Variants in LARP4B observed in about 807,000 individuals in gnomAD.
LARP4B encodes La ribonucleoprotein 4B.
Under a neutral mutation model 89.8 loss-of-function variants are expected in LARP4B, and 12 were observed. That is an observed-to-expected ratio of 0.13 (90% confidence interval 0.09 to 0.22). LARP4B has a LOEUF of 0.22. Among genes scored for constraint, LARP4B ranks in the 10% least tolerant of loss-of-function variants. The pLI, the probability that LARP4B is intolerant of heterozygous loss-of-function variation, is 1.00. For synonymous variants in LARP4B, 367 were observed against 363.3 expected, an observed-to-expected ratio of 1.01 and a Z score of -0.12; for missense variants, 757 against 947.7, an observed-to-expected ratio of 0.80 and a Z score of 2.64.
At chr10:932,062 G>A (rs913249392), upstream of LARP4B, among the ~76,000 whole-genome samples, 437 of 150,944 alleles carry the variant, frequency 2.9e-3, 3 homozygotes, top group African/African-American at 0.01. Flanking sequence ...CTTCCGGAGG[G>A]CTGGGCCCTG....
chr10:916,641 G>C (rs1043302325), intron 1 of LARP4B, among the ~76,000 whole-genome samples: 1 of 152,188 alleles, frequency 6.6e-6, no homozygotes, highest in African/African-American at 2.4e-5. Context: ...GTTGCAGTGA[G>C]CCGAGATCAC....
intron 5 of LARP4B, among the ~76,000 whole-genome samples, chr10:851,802 T>C (rs1351374266): frequency 6.6e-6 from 1 of 152,200 alleles, no homozygotes; most frequent in South Asian, 2.1e-4. Context: ...CAGTGGCTCA[T>C]GCTTGTAATC....
intron 13 of LARP4B, among the ~76,000 whole-genome samples, chr10:823,630 C>T (rs188003221): frequency 1.3e-4 from 19 of 151,444 alleles, no homozygotes; most frequent in Non-Finnish European, 2.1e-4. Flanking sequence ...CCTTCCACAC[C>T]GTGCCCACAA....
chr10:923,180 C>T (rs899960724), intron 1 of LARP4B, among the ~76,000 whole-genome samples: 3 of 152,124 alleles, frequency 2.0e-5, no homozygotes, highest in Admixed American at 6.5e-5. Flanking sequence ...GTGTTCTATC[C>T]GTGGTTTAAA....
chr10:924,008 G>A (rs1319615019), intron 1 of LARP4B, among the ~76,000 whole-genome samples: 1 of 152,122 alleles, frequency 6.6e-6, no homozygotes, highest in Non-Finnish European at 1.5e-5. Flanking sequence ...CCAACACTCT[G>A]GGACTGCTTG....
chr10:829,392 G>A lies in LARP4B; in HGVS notation c.1118C>T (p.Pro373Leu). ...TWSATHSYLDPPLVTPFPNTG... is the reference protein window; with the variant it reads ...TWSATHSYLDLPLVTPFPNTG... The stretch of plus-strand genomic sequence containing the variant: ...AGTAAAGAAATGACGTACCAAGGGT[G>A]GGTCAAGATAGCTGTGCGTTGCTGA... The change falls in exon 11 of 18, where the codon CCA becomes CTA. Residue 373 changes from proline to leucine, a missense_variant. Physicochemically the swap from Pro to Leu is moderately conservative, Grantham distance 98. Transcript: ENST00000316157. The A allele has an allele frequency of 6.3e-7, 1 of 1,593,432 alleles. No homozygotes were observed. Among genetic ancestry groups the A allele is most frequent in the Non-Finnish European group, 8.6e-7 (1 of 1,168,222 alleles).
chr10:916,178 G>A (rs772122943), intron 1 of LARP4B, among the ~76,000 whole-genome samples: 12 of 152,076 alleles, frequency 7.9e-5, no homozygotes, highest in Non-Finnish European at 1.6e-4. Flanking sequence ...GTCTTGATAT[G>A]TCAGACATAA....
intron 1 of LARP4B, among the ~76,000 whole-genome samples, chr10:902,281 G>A (rs147771876): frequency 6.6e-6 from 1 of 152,332 alleles, no homozygotes; most frequent in East Asian, 1.9e-4. Flanking sequence ...TAAAGTATCT[G>A]AACCAAATGC....
At chr10:827,802 CAA>C (rs1412858314) in intron 11 of LARP4B, among the ~76,000 whole-genome samples, 1 of 152,226 alleles carries the variant, frequency 6.6e-6, no homozygotes, top group Non-Finnish European at 1.5e-5. Flanking sequence ...CCTACGGACT[CAA>C]GTCTCTCTGA....
At chr10:965,216 G>A in the LARP4B span, among the ~76,000 whole-genome samples, 1 of 152,240 alleles carries the variant, frequency 6.6e-6, no homozygotes, top group Non-Finnish European at 1.5e-5. Flanking sequence ...GGGCAAGGCC[G>A]GGCTGAGGGC....
the LARP4B span, among the ~76,000 whole-genome samples, chr10:964,717 C>T: frequency 3.3e-5 from 5 of 152,298 alleles, no homozygotes; most frequent in African/African-American, 4.8e-5. Context: ...CTGTTGGCCC[C>T]GCTAACTAAT....
At chr10:837,090 A>G (rs952829435) in intron 7 of LARP4B, among the ~76,000 whole-genome samples, 1 of 152,244 alleles carries the variant, frequency 6.6e-6, no homozygotes, top group Non-Finnish European at 1.5e-5. Context: ...AAGTGGCAAC[A>G]TCATTACAGG....
At chr10:826,153 G>A (rs1427714901) in intron 11 of LARP4B, among the ~76,000 whole-genome samples, 2 of 152,196 alleles carry the variant, frequency 1.3e-5, no homozygotes, top group Non-Finnish European at 2.9e-5. Flanking sequence ...GAGCGCATGG[G>A]CTCCAACAAG....
At chr10:833,781 C>A (rs1181286107) in intron 8 of LARP4B, among the ~76,000 whole-genome samples, 1 of 150,848 alleles carries the variant, frequency 6.6e-6, no homozygotes, top group African/African-American at 2.4e-5. Flanking sequence ...CCTAGCTACT[C>A]GGGAGGCTGA....
intron 1 of LARP4B, among the ~76,000 whole-genome samples, chr10:908,663 C>T (rs190202739): frequency 7.9e-5 from 12 of 152,314 alleles, no homozygotes; most frequent in Admixed American, 2.0e-4. Flanking sequence ...TGGTGACCAG[C>T]GGTCACAGAA....
chr10:923,334 T>C (rs967055515), intron 1 of LARP4B, among the ~76,000 whole-genome samples: 2 of 152,248 alleles, frequency 1.3e-5, no homozygotes, highest in African/African-American at 2.4e-5. Context: ...TAGAAATCCA[T>C]TGGGGTTTCC....
At chr10:972,555 G>T in the LARP4B span, 1 of 457,258 alleles carries the variant, frequency 2.2e-6, no homozygotes, top group Non-Finnish European at 4.4e-6. Flanking sequence ...GAAGCCAGAG[G>T]AAGACAGATC....
intron 1 of LARP4B, among the ~76,000 whole-genome samples, chr10:896,370 A>T (rs570384059): frequency 1.2e-4 from 19 of 152,332 alleles, no homozygotes; most frequent in African/African-American, 4.6e-4. Context: ...TGACTACCAA[A>T]ATAATAAAAT....
chr10:869,092 G>C (rs1564419759), intron 3 of LARP4B, among the ~76,000 whole-genome samples: 1 of 152,088 alleles, frequency 6.6e-6, no homozygotes, highest in Non-Finnish European at 1.5e-5. Context: ...CAAACCAGAG[G>C]GACAGCCTTA....
Sources: gnomAD v4.1 joint callset for allele counts (sites outside exome capture counted in the v4.1 genomes callset) on GRCh38, gnomAD v4.1.1 for gene constraint, MANE v1.5 for transcripts, NCBI Gene and HGNC (gene_info 2026-07-23, HGNC 2026-07-21) for gene names.